The following KAZN variants were observed in gnomAD, a reference collection of about 807,000 sequenced individuals.
The protein encoded by KAZN is kazrin.
KAZN carries 40 observed loss-of-function variants against 87.4 expected under a neutral mutation model. The ratio of observed to expected loss-of-function variants is 0.46; its 90% CI spans 0.36 to 0.60. KAZN has a LOEUF of 0.60. KAZN is among the 20% of genes least tolerant of loss of function. The probability of loss-of-function intolerance (pLI) is 0.00; values close to 1 mark genes in which losing one functional copy is unlikely to be tolerated. For missense variants in KAZN, 898 were observed against 1,073.9 expected (o/e 0.84, Z 2.29); for synonymous variants, 466 against 458.3 (o/e 1.02, Z -0.22).
rs1290078074 is a variant in KAZN at position 14,599,635 on chromosome 1, C to T, written c.226+412C>T. Among the ~76,000 whole-genome samples the T allele has an allele frequency of 6.6e-6, 1 of 152,198 alleles. No individual in the cohort carries two copies. Among genetic ancestry groups the T allele is most frequent in the Non-Finnish European group, 1.5e-5 (1 of 68,040 alleles). ...TCCTTAGGCTCCTTCCCAGAGAGAG[C>T]TCCGGGCTCTGCCGCCGTGGTTGGG... On this transcript the variant is annotated intron_variant, in intron 1 of 14. Transcript: ENST00000376030. This position sits in a 1 kb window ranked among gnomAD's most constrained non-coding sequence, Gnocchi z 4.4.
rs146748117 is a variant in KAZN, at chr1:14,428,035, G to A, written c.250-170948G>A. On this transcript the variant is annotated intron_variant, in intron 2 of 16. Coordinates refer to the KAZN transcript ENST00000636203. The stretch of plus-strand genomic sequence containing the variant: ...TGGAATCCATCAAGTCTGAATGAGG[G>A]CCCTGGCAAGGTTATAGTCACATTC... Among the ~76,000 whole-genome samples, 363 of 152,274 alleles carry A rather than the reference G, an allele frequency of 2.4e-3. 3 individuals are homozygous for A. The highest frequency in any genetic ancestry group is 8.4e-3 in the African/African-American group (348 of 41,550).
chr1:14,199,798 T>C (rs1266771182), intron 2 of KAZN, among the ~76,000 whole-genome samples: 2 of 152,198 alleles, frequency 1.3e-5, no homozygotes, highest in Non-Finnish European at 2.9e-5. Flanking sequence ...ATTTTTTCCC[T>C]CTGCTTCTGC....
chr1:14,177,149 C>A (rs1474831975), intron 1 of KAZN, among the ~76,000 whole-genome samples: 1 of 151,746 alleles, frequency 6.6e-6, no homozygotes, highest in Admixed American at 6.6e-5. Flanking sequence ...CACAGCGAGA[C>A]GCCATCTCAA....
intron 2 of KAZN, among the ~76,000 whole-genome samples, chr1:14,510,995 A>G (rs138949031): frequency 4.6e-5 from 7 of 152,022 alleles, no homozygotes; most frequent in South Asian, 2.1e-4. Flanking sequence ...CTCAAGATAC[A>G]TGATTAATCT....
At chr1:14,307,239 A>G (rs1478460824) in intron 2 of KAZN, among the ~76,000 whole-genome samples, 2 of 151,890 alleles carry the variant, frequency 1.3e-5, no homozygotes, top group Non-Finnish European at 2.9e-5. Context: ...ATAACAGTCC[A>G]CTCTGCCTTG....
chr1:14,862,292 G>A (rs889780168), intron 1 of KAZN, among the ~76,000 whole-genome samples: 6 of 152,142 alleles, frequency 3.9e-5, no homozygotes, highest in South Asian at 2.1e-4. Context: ...TTGGTTGCCC[G>A]TCGGCAGAAG....
chr1:14,188,192 A>AGT (rs1553141838), intron 2 of KAZN, among the ~76,000 whole-genome samples: 3 of 82,054 alleles, frequency 3.7e-5, no homozygotes, highest in African/African-American at 1.5e-4. Flanking sequence ...GAGAGAGAGG[A>AGT]GCGTGTGTGT....
chr1:15,106,700 T>C (rs1436191122), intron 13 of KAZN, among the ~76,000 whole-genome samples: 4 of 152,122 alleles, frequency 2.6e-5, no homozygotes, highest in African/African-American at 7.2e-5. Context: ...TGGGTCCCAA[T>C]ATGACGTCAT....
At chr1:14,516,687 C>T (rs1671316265) in intron 2 of KAZN, among the ~76,000 whole-genome samples, 2 of 152,206 alleles carry the variant, frequency 1.3e-5, no homozygotes, top group Non-Finnish European at 2.9e-5. Flanking sequence ...TCCCAACTGT[C>T]AGCTCCTTGA....
At chr1:14,559,378 C>A (rs1274899446) in intron 2 of KAZN, among the ~76,000 whole-genome samples, 35 of 152,164 alleles carry the variant, frequency 2.3e-4, no homozygotes, top group Admixed American at 2.3e-3. Flanking sequence ...GCCATTCCAT[C>A]CTCGGAATGA....
At chr1:13,945,706 T>A (rs1194469052) in intron 1 of KAZN, among the ~76,000 whole-genome samples, 39 of 140,838 alleles carry the variant, frequency 2.8e-4, no homozygotes, top group African/African-American at 1.0e-3. Flanking sequence ...TGTGTGTGTG[T>A]GTGTGAGAGA....
At chr1:14,487,376 C>T (rs1669405398) in intron 2 of KAZN, among the ~76,000 whole-genome samples, 1 of 152,296 alleles carries the variant, frequency 6.6e-6, no homozygotes, top group East Asian at 1.9e-4. Context: ...TTCACTATAG[C>T]CAGTGAAACA....
chr1:15,045,755 A>G (rs1227345078), intron 4 of KAZN, among the ~76,000 whole-genome samples: 1 of 152,202 alleles, frequency 6.6e-6, no homozygotes, highest in East Asian at 1.9e-4. Context: ...CACCTTCTTT[A>G]CAGGATGGCA....
chr1:14,566,014 A>G (rs977992389), intron 2 of KAZN, among the ~76,000 whole-genome samples: 33 of 152,340 alleles, frequency 2.2e-4, no homozygotes, highest in African/African-American at 7.5e-4. Context: ...TGAATTACAA[A>G]TGTTCTTAAT....
intron 2 of KAZN, 25 bp downstream of exon 2, chr1:14,960,900 C>A (rs754630791): frequency 1.3e-6 from 2 of 1,586,252 alleles, no homozygotes; most frequent in East Asian, 2.3e-5. Context: ...AGCAGCAGTT[C>A]CTTCGCTGGG....
intron 2 of KAZN, among the ~76,000 whole-genome samples, chr1:14,962,080 A>G (rs1028520300): frequency 2.6e-5 from 4 of 152,242 alleles, no homozygotes; most frequent in African/African-American, 9.6e-5. Context: ...AGGGTAAAAG[A>G]GAGAATGGAT....
chr1:14,601,014 C>T (rs1210087080), intron 1 of KAZN, among the ~76,000 whole-genome samples: 1 of 152,154 alleles, frequency 6.6e-6, no homozygotes, highest in African/African-American at 2.4e-5. Context: ...ATTCCTTGTT[C>T]TTTTTTCCTA....
intron 4 of KAZN, among the ~76,000 whole-genome samples, chr1:15,049,765 T>A (rs950949029): frequency 1.3e-5 from 2 of 152,146 alleles, no homozygotes; most frequent in African/African-American, 4.8e-5. Context: ...GGCACACACC[T>A]GTAATCCCAG....
chr1:14,055,988 C>T (rs116238000), intron 1 of KAZN, among the ~76,000 whole-genome samples: 5 of 152,300 alleles, frequency 3.3e-5, no homozygotes, highest in African/African-American at 9.6e-5. Flanking sequence ...CCCTCTACCC[C>T]CTCTTATCAC....
Sources: allele counts gnomAD v4.1 joint callset (sites outside exome capture counted in the v4.1 genomes callset), GRCh38; gene constraint gnomAD v4.1.1; non-coding constraint Gnocchi (gnomAD v3.1); transcripts MANE v1.5; gene names NCBI Gene and HGNC (gene_info 2026-07-23, HGNC 2026-07-21).